Variants in SERPINB7 observed in about 807,000 individuals in gnomAD.
SERPINB7 encodes serpin B7.
In SERPINB7, 31 loss-of-function variants were observed where a neutral mutation model predicts 37.4. The observed-to-expected ratio is 0.83, with a 90% CI of 0.62 to 1.12. The LOEUF is 1.12. Among genes scored for constraint, SERPINB7 ranks in the 50% most tolerant of loss-of-function variants. SERPINB7 has a pLI of 0.00. For missense variants in SERPINB7, 521 were observed against 455.3 expected (o/e 1.14, Z -1.31); for synonymous variants, 163 against 166.1 (o/e 0.98, Z 0.14).
Position 63,782,480 on chromosome 18 carries a change from C to G in SERPINB7, c.108C>G (p.Phe36Leu), listed in dbSNP as rs145018483. The G allele has an allele frequency of 6.2e-6, 10 of 1,614,166 alleles. No individual in the cohort carries two copies. The highest frequency in any genetic ancestry group is 1.7e-4 in the Middle Eastern group (1 of 6,056). Residue 36 changes from phenylalanine to leucine, a missense_variant, in exon 2 of 8, where the codon TTC becomes TTG. Physicochemically the swap from Phe to Leu is conservative, Grantham distance 22 (BLOSUM62 0). Coordinates refer to ENST00000398019, the MANE Select transcript of SERPINB7 (RefSeq NM_003784.4). Reference sequence around the variant, plus strand: ...TGTTCTTTTCCTCTCTGAGCCTCTTCGCTGCCCTGGCCCTGGTCCGCTTGG... The same window carrying G: ...TGTTCTTTTCCTCTCTGAGCCTCTTGGCTGCCCTGGCCCTGGTCCGCTTGG... ...GNVFFSSLSL[F>L]AALALVRLGA... is the part of the protein sequence containing the mutation.
chr18:63,770,454 G>T (rs1332185742), upstream of SERPINB7, among the ~76,000 whole-genome samples: 1 of 151,902 alleles, frequency 6.6e-6, no homozygotes, highest in East Asian at 1.9e-4. Context: ...TAGCAGGAAA[G>T]AATATGGTGG....
chr18:63,779,320 G>A (rs1231877511), intron 1 of SERPINB7, among the ~76,000 whole-genome samples: 1 of 152,062 alleles, frequency 6.6e-6, no homozygotes, highest in African/African-American at 2.4e-5. Flanking sequence ...AAACTTGGAG[G>A]TATAAAACAA....
At chr18:63,795,349 T>A (rs2049475621) in intron 4 of SERPINB7, among the ~76,000 whole-genome samples, 1 of 151,544 alleles carries the variant, frequency 6.6e-6, no homozygotes. Flanking sequence ...TCACCTGAGG[T>A]CAGGAGTTTG....
intron 1 of SERPINB7, among the ~76,000 whole-genome samples, chr18:63,776,905 C>T (rs2049254202): frequency 6.6e-6 from 1 of 151,948 alleles, no homozygotes; most frequent in Admixed American, 6.6e-5. Flanking sequence ...GGGTAGATAT[C>T]CCTCTCCATG....
intron 7 of SERPINB7, 39 bp downstream of exon 7, chr18:63,801,051 A>G (rs772846521): frequency 1.4e-5 from 22 of 1,599,244 alleles, no homozygotes; most frequent in Non-Finnish European, 1.5e-5. Flanking sequence ...GGGAAATAAG[A>G]CTTTTAGGAT....
intron 4 of SERPINB7, among the ~76,000 whole-genome samples, 154 bp from the exon 5 acceptor site, chr18:63,796,112 C>G (rs549449721): frequency 6.6e-6 from 1 of 152,184 alleles, no homozygotes; most frequent in Admixed American, 6.5e-5. Flanking sequence ...CCCTTCCAGT[C>G]CCATTTCCAT....
chr18:63,776,606 G>A (rs1380080479), intron 1 of SERPINB7, among the ~76,000 whole-genome samples: 1 of 150,080 alleles, frequency 6.7e-6, no homozygotes, highest in Non-Finnish European at 1.5e-5. Context: ...GAAAGACCAT[G>A]TCCTGGTATG....
chr18:63,785,533 A>C (rs2049355212), intron 2 of SERPINB7, among the ~76,000 whole-genome samples: 1 of 152,174 alleles, frequency 6.6e-6, no homozygotes, highest in Admixed American at 6.5e-5. Context: ...ACTCTGGCTC[A>C]TTTACTCTAT....
At chr18:63,801,036 C>T in intron 7 of SERPINB7, 24 bp downstream of exon 7, 2 of 1,607,822 alleles carry the variant, frequency 1.2e-6, no homozygotes, top group South Asian at 1.1e-5. Flanking sequence ...GTCATTTTCA[C>T]TATTGGGAAA....
chr18:63,794,579 A>T (rs1046671234), intron 4 of SERPINB7, among the ~76,000 whole-genome samples: 10 of 152,026 alleles, frequency 6.6e-5, no homozygotes, highest in African/African-American at 2.2e-4. Context: ...AGTCCCAGCT[A>T]CTCGGGAGGC....
In SERPINB7 at chr18:63,804,221, T is replaced by G; in HGVS notation, c.745-16T>G. On this transcript the variant is annotated splice_polypyrimidine_tract_variant and intron_variant, in intron 7 of 7. Coordinates refer to ENST00000398019, the MANE Select transcript of SERPINB7 (RefSeq NM_003784.4). ...TGACCATATGATTCTAAATTATCTC[T>G]GAATTATTTTTACAGATTGAAAACA... 6.6e-7 allele frequency: 1 copy of G among 1,513,814 alleles called. No individual in the cohort carries two copies. 93.8% of individuals were successfully genotyped at this position (1,513,814 alleles called of 1,614,324 possible).
intron 2 of SERPINB7, among the ~76,000 whole-genome samples, chr18:63,788,629 C>A (rs754748555): frequency 6.6e-6 from 1 of 152,162 alleles, no homozygotes; most frequent in Non-Finnish European, 1.5e-5. Context: ...ACATCCTAGG[C>A]CTTCACACTC....
intron 1 of SERPINB7, among the ~76,000 whole-genome samples, chr18:63,757,376 T>A (rs2049128300): frequency 6.6e-6 from 1 of 152,200 alleles, no homozygotes; most frequent in African/African-American, 2.4e-5. Context: ...ATTAATAATA[T>A]CAAAGCTTGT....
intron 1 of SERPINB7, among the ~76,000 whole-genome samples, chr18:63,776,932 A>G (rs553766228): frequency 2.1e-4 from 32 of 152,112 alleles, no homozygotes; most frequent in Admixed American, 5.2e-4. Flanking sequence ...ATATATTCTA[A>G]CGCATCTCTC....
chr18:63,776,899 A>G (rs1239772092), intron 1 of SERPINB7, among the ~76,000 whole-genome samples: 2 of 151,986 alleles, frequency 1.3e-5, no homozygotes, highest in African/African-American at 2.4e-5. Flanking sequence ...TGATGGGGGT[A>G]GATATCCCTC....
intron 2 of SERPINB7, among the ~76,000 whole-genome samples, chr18:63,789,668 A>G (rs141225244): frequency 2.6e-5 from 4 of 152,360 alleles, no homozygotes; most frequent in African/African-American, 7.2e-5. Context: ...GATAACTGCC[A>G]TATTTTTAAA....
intron 1 of SERPINB7, among the ~76,000 whole-genome samples, chr18:63,776,452 A>G (rs918043627): frequency 1.3e-5 from 2 of 151,482 alleles, no homozygotes; most frequent in Admixed American, 6.6e-5. Context: ...TTCGTGCCTG[A>G]TTTATTTGCC....
chr18:63,800,082 G>T (rs188165668), intron 6 of SERPINB7, among the ~76,000 whole-genome samples: 152 of 150,916 alleles, frequency 1.0e-3, no homozygotes, highest in Admixed American at 3.7e-3. Flanking sequence ...TTGAGACAGG[G>T]TCTTAAGCTT....
At chr18:63,754,100 G>A (rs2049107000) in intron 1 of SERPINB7, among the ~76,000 whole-genome samples, 1 of 152,140 alleles carries the variant, frequency 6.6e-6, no homozygotes, top group Non-Finnish European at 1.5e-5. Context: ...AAAGTCTTTG[G>A]CAGGGTTTTT....
Sources: allele counts gnomAD v4.1 joint callset (sites outside exome capture counted in the v4.1 genomes callset), GRCh38; gene constraint gnomAD v4.1.1; transcripts MANE v1.5; gene names NCBI Gene and HGNC (gene_info 2026-07-23, HGNC 2026-07-21).